The following KHDRBS2 variants were observed in gnomAD, a reference collection of about 807,000 sequenced individuals.
The protein encoded by KHDRBS2 is KH domain-containing, RNA-binding, signal transduction-associated protein 2.
Under a neutral mutation model 44.3 loss-of-function variants are expected in KHDRBS2, and 26 were observed. That is an observed-to-expected ratio of 0.59 (90% CI 0.43 to 0.81). The LOEUF is 0.81. Among genes scored for constraint, KHDRBS2 ranks in the 40% least tolerant of loss-of-function variants. The probability of loss-of-function intolerance (pLI) is 0.00; values close to 1 mark genes in which losing one functional copy is unlikely to be tolerated. For synonymous variants in KHDRBS2, 194 were observed against 151.1 expected (o/e 1.28, Z -2.08); for missense variants, 476 against 433.1 (o/e 1.10, Z -0.88).
At chr6:61,657,032 G>A in the KHDRBS2 span, among the ~76,000 whole-genome samples, 1 of 151,806 alleles carries the variant, frequency 6.6e-6, no homozygotes, top group African/African-American at 2.4e-5. Flanking sequence ...AAAGGAGTGG[G>A]GAAGCCGAAA....
chr6:61,910,098 G>A (rs558896136), intron 4 of KHDRBS2, among the ~76,000 whole-genome samples: 9 of 152,292 alleles, frequency 5.9e-5, no homozygotes, highest in East Asian at 5.8e-4. Flanking sequence ...CGCTTTTACC[G>A]GAATAGTAAA....
intron 1 of KHDRBS2, among the ~76,000 whole-genome samples, chr6:62,255,370 C>T (rs910081850): frequency 1.3e-5 from 2 of 151,772 alleles, no homozygotes; most frequent in Non-Finnish European, 2.9e-5. Flanking sequence ...AAATAAGTGC[C>T]AACATTATTC....
intron 3 of KHDRBS2, among the ~76,000 whole-genome samples, chr6:61,983,244 T>TTCTTTCTTTCTTTCTTTCTTTC (rs1583957414): frequency 2.6e-5 from 1 of 38,022 alleles, no homozygotes; most frequent in African/African-American, 7.6e-5. Flanking sequence ...TTCTTTTTTT[T>TTCTTTCTTTCTTTCTTTCTTTC]TTTTTTTTTT....
Position 62,092,610 on chromosome 6 carries a change from T to C in KHDRBS2, c.220-44616A>G, listed in dbSNP as rs1313874481. 2.6e-5 allele frequency among the ~76,000 whole-genome samples: 4 copies of C among 152,332 alleles called. No homozygotes were observed. In the East Asian group the frequency reaches 7.7e-4, roughly 29 times the overall value. Reference sequence around the variant, plus strand: ...CTTAAGTAAAAATAATATTTCATTGTAACTCTGCCTCTTCTATTACATTGT... The same window carrying C: ...CTTAAGTAAAAATAATATTTCATTGCAACTCTGCCTCTTCTATTACATTGT... On this transcript the variant is annotated intron_variant, in intron 2 of 8. Transcript: ENST00000281156.
intron 3 of KHDRBS2, among the ~76,000 whole-genome samples, chr6:61,988,680 GT>G (rs1208209957): frequency 2.0e-5 from 3 of 152,164 alleles, no homozygotes; most frequent in African/African-American, 7.2e-5. Context: ...CAAGAAACTG[GT>G]TGAGTACACT....
At chr6:61,605,658 C>T in the KHDRBS2 span, among the ~76,000 whole-genome samples, 19 of 152,140 alleles carry the variant, frequency 1.2e-4, no homozygotes, top group Non-Finnish European at 2.1e-4. Context: ...TCTTCCTTCA[C>T]CTTAATCTCT....
chr6:61,587,252 AGCATGC>A, the KHDRBS2 span, among the ~76,000 whole-genome samples: 2 of 152,160 alleles, frequency 1.3e-5, no homozygotes, highest in African/African-American at 4.8e-5. Context: ...CAAATATACT[AGCATGC>A]GTATGAATTG....
At chr6:61,887,962 T>A (rs983819392) in intron 6 of KHDRBS2, among the ~76,000 whole-genome samples, 1 of 152,192 alleles carries the variant, frequency 6.6e-6, no homozygotes, top group Non-Finnish European at 1.5e-5. Flanking sequence ...CATTAAATTG[T>A]TTTTAGAAAC....
chr6:61,555,652 T>C, the KHDRBS2 span, among the ~76,000 whole-genome samples: 4 of 152,244 alleles, frequency 2.6e-5, no homozygotes, highest in South Asian at 2.1e-4. Flanking sequence ...CTCCTTCAAC[T>C]CTCGAAGTTG....
chr6:62,044,974 T>A (rs1004758671), intron 3 of KHDRBS2, among the ~76,000 whole-genome samples: 1 of 152,004 alleles, frequency 6.6e-6, no homozygotes, highest in Non-Finnish European at 1.5e-5. Flanking sequence ...CACATTGACA[T>A]GTTGAGTAGG....
intron 2 of KHDRBS2, among the ~76,000 whole-genome samples, chr6:62,054,529 G>A (rs1789826989): frequency 6.6e-6 from 1 of 152,064 alleles, no homozygotes; most frequent in African/African-American, 2.4e-5. Flanking sequence ...GAGATCTTGA[G>A]ATGAGGGATT....
intron 2 of KHDRBS2, among the ~76,000 whole-genome samples, chr6:62,176,745 G>T (rs150079751): frequency 2.6e-4 from 40 of 151,292 alleles, no homozygotes; most frequent in African/African-American, 9.2e-4. Flanking sequence ...TATAATCTAA[G>T]AGTCTAATAA....
intron 2 of KHDRBS2, among the ~76,000 whole-genome samples, chr6:62,062,346 C>T (rs983170374): frequency 7.1e-6 from 1 of 141,702 alleles, no homozygotes; most frequent in African/African-American, 2.6e-5. Flanking sequence ...CACCACACCA[C>T]ACCTATTCCA....
At chr6:62,230,399 T>C (rs1832708818) in intron 1 of KHDRBS2, among the ~76,000 whole-genome samples, 1 of 152,146 alleles carries the variant, frequency 6.6e-6, no homozygotes, top group Non-Finnish European at 1.5e-5. Context: ...TGTAAGTAAA[T>C]TGTTAAAAAA....
At chr6:62,161,120 G>A (rs1817531878) in intron 2 of KHDRBS2, among the ~76,000 whole-genome samples, 1 of 151,934 alleles carries the variant, frequency 6.6e-6, no homozygotes, top group Admixed American at 6.6e-5. Context: ...GTTCATCCAT[G>A]TTGCAGCATG....
the KHDRBS2 span, among the ~76,000 whole-genome samples, chr6:61,636,841 T>C: frequency 1.5e-4 from 23 of 152,146 alleles, no homozygotes; most frequent in South Asian, 1.9e-3. Flanking sequence ...TTTGAAATAC[T>C]AGGACCACAT....
chr6:61,569,322 A>T, the KHDRBS2 span, among the ~76,000 whole-genome samples: 1 of 152,176 alleles, frequency 6.6e-6, no homozygotes, highest in South Asian at 2.1e-4. Context: ...GTAGCCAAAC[A>T]CAAAAGATAG....
chr6:62,225,300 T>C (rs546885261), intron 1 of KHDRBS2, among the ~76,000 whole-genome samples: 1 of 152,208 alleles, frequency 6.6e-6, no homozygotes, highest in African/African-American at 2.4e-5. Flanking sequence ...CTAGATTAGA[T>C]GAAGAGTATC....
chr6:61,994,004 A>C (rs1460010918), intron 3 of KHDRBS2, among the ~76,000 whole-genome samples: 1 of 152,148 alleles, frequency 6.6e-6, no homozygotes, highest in African/African-American at 2.4e-5. Context: ...AGTAAAGTCA[A>C]GCCTGAGGCT....
Sources: gnomAD v4.1 joint callset for allele counts (sites outside exome capture counted in the v4.1 genomes callset) on GRCh38, gnomAD v4.1.1 for gene constraint, MANE v1.5 for transcripts, NCBI Gene and HGNC (gene_info 2026-07-23, HGNC 2026-07-21) for gene names.